The following CEP112 variants were observed in gnomAD, a reference collection of about 807,000 sequenced individuals.
The protein encoded by CEP112 is centrosomal protein 112.
CEP112 carries 127 observed loss-of-function variants against 153.0 expected under a neutral mutation model. The observed-to-expected ratio is 0.83, with a 90% CI of 0.72 to 0.96. The LOEUF (loss-of-function observed/expected upper bound fraction) is 0.96, where lower values mean the gene tolerates loss of function less well. Among genes scored for constraint, CEP112 ranks in the 40% least tolerant of loss-of-function variants. The pLI is 0.00. For synonymous variants in CEP112, 358 were observed against 374.4 expected (o/e 0.96, Z 0.51); for missense variants, 1,089 against 1,101.2 (o/e 0.99, Z 0.16).
At chr17:65,766,746 G>T (rs1228281201) in intron 21 of CEP112, among the ~76,000 whole-genome samples, 2 of 149,880 alleles carry the variant, frequency 1.3e-5, no homozygotes, top group African/African-American at 4.9e-5. Context: ...GCTATATTTA[G>T]ATATAAAATA....
At chr17:66,146,552 A>T (rs1024328079) in intron 4 of CEP112, among the ~76,000 whole-genome samples, 8 of 152,140 alleles carry the variant, frequency 5.3e-5, no homozygotes, top group African/African-American at 1.7e-4. Context: ...AATCATTTTT[A>T]AGCATACGGT....
intron 4 of CEP112, among the ~76,000 whole-genome samples, chr17:66,149,634 C>T (rs1389303066): frequency 1.3e-5 from 2 of 151,986 alleles, no homozygotes; most frequent in Admixed American, 1.3e-4. Context: ...ATAGTCCTCT[C>T]TTACAACCCT....
intron 16 of CEP112, among the ~76,000 whole-genome samples, chr17:66,018,708 T>C (rs1448664515): frequency 6.6e-6 from 1 of 152,212 alleles, no homozygotes; most frequent in African/African-American, 2.4e-5. Flanking sequence ...GCGTGCATGA[T>C]TGCTAGGCAT....
chr17:66,154,575 G>A (rs961731767), intron 4 of CEP112, among the ~76,000 whole-genome samples: 16 of 152,086 alleles, frequency 1.1e-4, no homozygotes, highest in East Asian at 5.8e-4. Context: ...CATTGTGATA[G>A]ACAGAGGGAA....
chr17:65,747,683 T>C (rs1170945263), intron 22 of CEP112, among the ~76,000 whole-genome samples: 2 of 152,134 alleles, frequency 1.3e-5, no homozygotes, highest in Admixed American at 1.3e-4. Context: ...CTGATGGAAA[T>C]GATATTTGGG....
intron 17 of CEP112, among the ~76,000 whole-genome samples, chr17:66,002,210 G>A (rs200116168): frequency 1.8e-5 from 1 of 55,538 alleles, no homozygotes. Context: ...TGCTTGGAGA[G>A]AGTATAAATA....
intron 17 of CEP112, among the ~76,000 whole-genome samples, chr17:65,974,953 T>C (rs1410544083): frequency 6.8e-6 from 1 of 147,274 alleles, no homozygotes; most frequent in Non-Finnish European, 1.5e-5. Flanking sequence ...TTTTATTTAC[T>C]AAAAAAAAAA....
At chr17:65,970,462 ACACATGCATGTATATTACATGC>A (rs1363876476) in intron 17 of CEP112, among the ~76,000 whole-genome samples, 1 of 58,992 alleles carries the variant, frequency 1.7e-5, no homozygotes, top group Non-Finnish European at 3.7e-5. Flanking sequence ...ACATGCATGC[ACACATGCATGTATATTACATGC>A]ATGCACACTA....
At chr17:66,017,010 T>C (rs1461915131) in intron 16 of CEP112, among the ~76,000 whole-genome samples, 2 of 152,172 alleles carry the variant, frequency 1.3e-5, no homozygotes, top group South Asian at 4.1e-4. Flanking sequence ...GATAAGTTAA[T>C]AAATTACTTG....
intron 12 of CEP112, among the ~76,000 whole-genome samples, chr17:66,030,789 G>A (rs6504391): frequency 0.93 from 140,946 of 152,160 alleles, 65,511 homozygotes; most frequent in East Asian, 0.97. Context: ...TGAAGGGACA[G>A]TTAATTTTCA....
intron 17 of CEP112, among the ~76,000 whole-genome samples, chr17:65,979,598 T>A (rs1161577988): frequency 6.6e-6 from 1 of 152,064 alleles, no homozygotes; most frequent in Non-Finnish European, 1.5e-5. Context: ...AATTATTATA[T>A]CAATACAAAA....
chr17:65,983,268 G>T (rs1204139589), intron 17 of CEP112, among the ~76,000 whole-genome samples: 1 of 152,206 alleles, frequency 6.6e-6, no homozygotes, highest in Non-Finnish European at 1.5e-5. Context: ...TAACTGTGGA[G>T]CAGGAGTCCA....
chr17:65,960,095 T>G (rs2062145357), intron 18 of CEP112, among the ~76,000 whole-genome samples: 1 of 152,192 alleles, frequency 6.6e-6, no homozygotes, highest in South Asian at 2.1e-4. Context: ...TGCTTGGGAC[T>G]CCTAAGGAAG....
intron 8 of CEP112, among the ~76,000 whole-genome samples, chr17:66,083,374 C>T (rs539034948): frequency 6.6e-6 from 1 of 152,188 alleles, no homozygotes; most frequent in South Asian, 2.1e-4. Flanking sequence ...ACCTCTTTTT[C>T]GTTATAAATT....
intron 16 of CEP112, among the ~76,000 whole-genome samples, chr17:66,015,237 A>G (rs940084317): frequency 6.6e-6 from 1 of 152,206 alleles, no homozygotes; most frequent in Non-Finnish European, 1.5e-5. Flanking sequence ...TGAGGCAGAT[A>G]GTGGTTTTAA....
chr17:65,993,824 T>TG (rs2063684255), intron 17 of CEP112, among the ~76,000 whole-genome samples: 1 of 152,070 alleles, frequency 6.6e-6, no homozygotes. Context: ...CTCTTGAAGG[T>TG]GGGGCAGTGA....
intron 20 of CEP112, among the ~76,000 whole-genome samples, chr17:65,862,220 G>A (rs1201945425): frequency 6.6e-6 from 1 of 152,134 alleles, no homozygotes; most frequent in Non-Finnish European, 1.5e-5. Flanking sequence ...ATGAATAATG[G>A]TTAACTCTGG....
intron 17 of CEP112, among the ~76,000 whole-genome samples, chr17:65,987,937 T>C (rs1233812704): frequency 6.6e-6 from 1 of 152,134 alleles, no homozygotes; most frequent in African/African-American, 2.4e-5. Context: ...ACATTGTGAG[T>C]TCCTGAAGGG....
At chr17:65,940,890 C>CA (rs1425490383) in intron 18 of CEP112, among the ~76,000 whole-genome samples, 7 of 151,820 alleles carry the variant, frequency 4.6e-5, no homozygotes, top group Non-Finnish European at 8.8e-5. Flanking sequence ...AAATAGTCAC[C>CA]ACAAAAAACC....
Sources: allele counts gnomAD v4.1 joint callset (sites outside exome capture counted in the v4.1 genomes callset), GRCh38; gene constraint gnomAD v4.1.1; transcripts MANE v1.5; gene names NCBI Gene and HGNC (gene_info 2026-07-23, HGNC 2026-07-21).